The following TMEM108 variants were observed in gnomAD, a reference collection of about 807,000 sequenced individuals.
TMEM108 encodes transmembrane protein 108, also known as cancer/testis antigen 124.
TMEM108 carries 12 observed loss-of-function variants against 35.1 expected under a neutral mutation model. That is an observed-to-expected ratio of 0.34 (90% CI 0.22 to 0.55). TMEM108 has a LOEUF of 0.55. Among genes scored for constraint, TMEM108 ranks in the 20% least tolerant of loss-of-function variants. TMEM108 has a pLI of 0.89. For synonymous variants in TMEM108, 287 were observed against 308.6 expected, an observed-to-expected ratio of 0.93 and a Z score of 0.73; for missense variants, 680 against 753.3, an observed-to-expected ratio of 0.90 and a Z score of 1.14.
chr3:133,255,479 A>T (rs572138455), intron 3 of TMEM108, among the ~76,000 whole-genome samples: 2 of 152,246 alleles, frequency 1.3e-5, no homozygotes, highest in African/African-American at 4.8e-5. Context: ...ATTACTTGGA[A>T]TATACTATGG....
At chr3:133,081,956 G>A (rs1210138221) in intron 2 of TMEM108, among the ~76,000 whole-genome samples, 1 of 152,184 alleles carries the variant, frequency 6.6e-6, no homozygotes, top group Non-Finnish European at 1.5e-5. Context: ...TTGGTTATTG[G>A]CTGGAGCTAC....
chr3:133,170,912 C>T (rs926791415), intron 2 of TMEM108, among the ~76,000 whole-genome samples: 1 of 151,990 alleles, frequency 6.6e-6, no homozygotes, highest in African/African-American at 2.4e-5. Context: ...ATAGTTAAAC[C>T]CCGTATCACC....
chr3:133,048,004 G>T (rs530734218), intron 2 of TMEM108, among the ~76,000 whole-genome samples: 1 of 152,278 alleles, frequency 6.6e-6, no homozygotes, highest in South Asian at 2.1e-4. Flanking sequence ...GGGAAATAAT[G>T]AAGAATGCTG....
Position 133,375,389 on chromosome 3 carries a change from C to T in TMEM108, c.41-4363C>T, listed in dbSNP as rs115085802. On this transcript the variant is annotated intron_variant, in intron 3 of 5. Transcript: ENST00000321871. ...CCATATTCAGACACGTTTTAAAAAT[C>T]GGTTCCACATTTCAAGCATGTGAAG... Among the ~76,000 whole-genome samples, 1,305 of 152,308 alleles carry T rather than the reference C, an allele frequency of 8.6e-3. 23 individuals carry two copies. Among genetic ancestry groups the T allele is most frequent in the African/African-American group, 0.029 (1,225 of 41,562 alleles).
intron 2 of TMEM108, among the ~76,000 whole-genome samples, chr3:133,089,339 C>T (rs73860829): frequency 5.9e-5 from 9 of 152,178 alleles, no homozygotes; most frequent in South Asian, 4.2e-4. Flanking sequence ...AGTTTATGTT[C>T]GGTGCCTTTT....
chr3:133,094,021 A>C (rs1943980239), intron 2 of TMEM108, among the ~76,000 whole-genome samples: 1 of 152,110 alleles, frequency 6.6e-6, no homozygotes, highest in Non-Finnish European at 1.5e-5. Flanking sequence ...GAGGAACTTG[A>C]GTTGTTACAG....
chr3:133,233,161 G>C (rs1461433566), intron 3 of TMEM108, among the ~76,000 whole-genome samples: 2 of 151,630 alleles, frequency 1.3e-5, no homozygotes, highest in African/African-American at 2.4e-5. Context: ...TTTAGCATTA[G>C]GTATATCTCC....
chr3:133,170,459 C>T (rs1008262197), intron 2 of TMEM108, among the ~76,000 whole-genome samples: 8 of 152,174 alleles, frequency 5.3e-5, no homozygotes, highest in Admixed American at 5.2e-4. Context: ...AGAAAAATCA[C>T]AGGTTTAAAG....
chr3:133,386,871 T>C lies in TMEM108; in HGVS notation c.1451-3309T>C, dbSNP rs1031494773. 1.4e-4 allele frequency: 85 copies of C among 610,510 alleles called. No individual in the cohort carries two copies. The Admixed American group carries it at 2.3e-3, about 17-fold the overall frequency. 37.8% of individuals were successfully genotyped at this position (610,510 alleles called of 1,614,324 possible). A position where few individuals can be genotyped will look rare whatever the true frequency, so the allele number is the denominator to read the frequency against. ...TAATTAGTTGGGTGATCAAGATCAA[T>C]ACTATTAGCTTCTATGACCTTCAGT... On this transcript the variant is annotated intron_variant, in intron 4 of 5. Coordinates refer to ENST00000321871, the MANE Select transcript of TMEM108 (RefSeq NM_023943.4).
At chr3:133,146,283 T>C (rs559258983) in intron 2 of TMEM108, among the ~76,000 whole-genome samples, 2 of 152,362 alleles carry the variant, frequency 1.3e-5, no homozygotes, top group Non-Finnish European at 2.9e-5. Context: ...TTTATGTATG[T>C]TGAACCAGCC....
chr3:133,341,850 C>A (rs1421824716), intron 3 of TMEM108, among the ~76,000 whole-genome samples: 4 of 151,872 alleles, frequency 2.6e-5, no homozygotes, highest in Admixed American at 6.6e-5. Flanking sequence ...TGAAACTAGA[C>A]CCCCATCTTT....
chr3:133,307,607 A>G (rs2071061219), intron 3 of TMEM108, among the ~76,000 whole-genome samples: 2 of 152,168 alleles, frequency 1.3e-5, no homozygotes, highest in South Asian at 4.1e-4. Flanking sequence ...CAGTTTTCTC[A>G]GCACCATTTA....
chr3:133,081,089 A>G (rs1330826373), intron 2 of TMEM108, among the ~76,000 whole-genome samples: 1 of 152,174 alleles, frequency 6.6e-6, no homozygotes, highest in East Asian at 1.9e-4. Flanking sequence ...GTTCCATAGC[A>G]CAGTGTCGTC....
intron 2 of TMEM108, among the ~76,000 whole-genome samples, chr3:133,117,046 AG>A (rs1944296779): frequency 6.6e-6 from 1 of 152,228 alleles, no homozygotes; most frequent in Non-Finnish European, 1.5e-5. Flanking sequence ...CTGGGATTAC[AG>A]GTATGAGCTG....
intron 3 of TMEM108, among the ~76,000 whole-genome samples, chr3:133,348,238 G>A (rs2071881575): frequency 6.6e-6 from 1 of 151,964 alleles, no homozygotes; most frequent in African/African-American, 2.4e-5. Context: ...GAAACAGTTT[G>A]TTTATAACAG....
chr3:133,380,017 G>A lies in TMEM108; in HGVS notation c.306G>A (p.Ala102=), dbSNP rs533466152. ...PPTHTISTIA[A]TVTAPHSESS... ...CGCACACCATCTCCACCATCGCTGC[G>A]ACAGTAACCGCCCCCCATTCTGAAA... Residue 102 remains alanine, a synonymous_variant, in exon 4 of 6, where the codon GCG becomes GCA. Coordinates refer to ENST00000321871, the MANE Select transcript of TMEM108 (RefSeq NM_023943.4). This position sits in a 1 kb window ranked among gnomAD's most constrained non-coding sequence, Gnocchi z 5.3. 2.1e-5 allele frequency: 34 copies of A among 1,613,812 alleles called. 1 individual carries two copies. The Middle Eastern group carries it at 6.6e-4, about 31-fold the overall frequency.
intron 2 of TMEM108, among the ~76,000 whole-genome samples, chr3:133,078,219 C>T (rs1943768531): frequency 6.7e-6 from 1 of 149,488 alleles, no homozygotes; most frequent in East Asian, 2.0e-4. Context: ...TAGTGACTCA[C>T]ATATGTGCTC....
intron 2 of TMEM108, among the ~76,000 whole-genome samples, chr3:133,078,162 C>CTGTGTGTGTGTGT (rs1559825394): frequency 1.3e-4 from 4 of 30,430 alleles, no homozygotes; most frequent in African/African-American, 7.6e-4. Context: ...TGTGTGTGCA[C>CTGTGTGTGTGTGT]GCGCGCGCGC....
In TMEM108 at chr3:133,156,650, T is replaced by C. The variant is rs577138137; in HGVS notation, c.-46-72616T>C. Among the ~76,000 whole-genome samples the C allele has an allele frequency of 2.6e-4, 39 of 152,276 alleles. No homozygotes were observed. In the South Asian group the frequency reaches 7.0e-3, roughly 28 times the overall value. On this transcript the variant is annotated intron_variant, in intron 2 of 5. Transcript: ENST00000321871. ...TGAGATAACAGATGAGAAAGAACAA[T>C]GCAGGATTCTTATATAAGATTGTCA...
Sources: allele counts gnomAD v4.1 joint callset (sites outside exome capture counted in the v4.1 genomes callset), GRCh38; gene constraint gnomAD v4.1.1; non-coding constraint Gnocchi (gnomAD v3.1); transcripts MANE v1.5; gene names NCBI Gene and HGNC (gene_info 2026-07-23, HGNC 2026-07-21).